Variants in ROBO2 observed in about 807,000 individuals in gnomAD.
The protein encoded by ROBO2 is roundabout guidance receptor 2, also known as roundabout homolog 2.
In ROBO2, 53 loss-of-function variants were observed where a neutral mutation model predicts 160.8. The observed-to-expected ratio is 0.33, with a 90% confidence interval of 0.26 to 0.41. The LOEUF is 0.41. ROBO2 is among the 10% of genes least tolerant of loss of function. The pLI is 1.00. For synonymous variants in ROBO2, 664 were observed against 611.7 expected (o/e 1.09, Z -1.26); for missense variants, 1,577 against 1,722.4 (o/e 0.92, Z 1.49).
At chr3:77,454,121 T>C (rs61061467) in intron 2 of ROBO2, among the ~76,000 whole-genome samples, 951 of 81,530 alleles carry the variant, frequency 0.012, 14 homozygotes, top group African/African-American at 0.042. Context: ...TACTCTGGGC[T>C]TTTTTTTTTT....
chr3:77,479,160 G>A (rs2084380266), intron 3 of ROBO2, among the ~76,000 whole-genome samples: 1 of 152,178 alleles, frequency 6.6e-6, no homozygotes, highest in South Asian at 2.1e-4. Flanking sequence ...GCCTCTGGGA[G>A]AGGTGGTGAC....
chr3:76,684,439 G>C lies in ROBO2; in HGVS notation c.110-413575G>C, dbSNP rs1374846. The stretch of plus-strand genomic sequence containing the variant: ...ATTCTACTTCAATCCCACAGGGAAA[G>C]AGTAGGGGATATTAAAAGGAGAAAA... On this transcript the variant is annotated intron_variant, in intron 2 of 26. Coordinates refer to the ROBO2 transcript ENST00000487694. Among the ~76,000 whole-genome samples the C allele has an allele frequency of 6.2e-3, 946 of 152,296 alleles. 9 individuals carry two copies. Among genetic ancestry groups the C allele is most frequent in the African/African-American group, 0.017 (722 of 41,570 alleles).
At chr3:76,718,955 A>G (rs1216720546) in intron 2 of ROBO2, among the ~76,000 whole-genome samples, 1 of 152,206 alleles carries the variant, frequency 6.6e-6, no homozygotes, top group East Asian at 1.9e-4. Flanking sequence ...CACATTCAAC[A>G]AAGCACGGAC....
intron 2 of ROBO2, among the ~76,000 whole-genome samples, chr3:76,656,182 G>A (rs751610814): frequency 1.6e-4 from 25 of 152,106 alleles, no homozygotes; most frequent in Non-Finnish European, 2.6e-4. Flanking sequence ...AAAGCTTGTT[G>A]CTTTGTGACC....
At chr3:77,167,408 T>G (rs1344902119) in intron 2 of ROBO2, among the ~76,000 whole-genome samples, 1 of 152,188 alleles carries the variant, frequency 6.6e-6, no homozygotes, top group African/African-American at 2.4e-5. Context: ...TCCAAGTTGT[T>G]AAAACATCTT....
intron 2 of ROBO2, among the ~76,000 whole-genome samples, chr3:76,836,241 A>AG (rs1311993736): frequency 6.6e-6 from 1 of 151,904 alleles, no homozygotes; most frequent in Non-Finnish European, 1.5e-5. Flanking sequence ...TCCTTAATGT[A>AG]GGACGTTCCT....
At chr3:76,270,560 A>G (rs993888020) in intron 2 of ROBO2, among the ~76,000 whole-genome samples, 68 of 152,182 alleles carry the variant, frequency 4.5e-4, no homozygotes, top group African/African-American at 1.6e-3. Flanking sequence ...TTTAAGAATT[A>G]CTACTCATTG....
chr3:76,110,786 A>C (rs1198758825), intron 2 of ROBO2, among the ~76,000 whole-genome samples: 1 of 152,170 alleles, frequency 6.6e-6, no homozygotes, highest in Non-Finnish European at 1.5e-5. Context: ...ACTTTAATGA[A>C]ATAAAAATTC....
intron 2 of ROBO2, among the ~76,000 whole-genome samples, chr3:76,597,430 C>CA (rs1316505166): frequency 6.6e-6 from 1 of 151,606 alleles, no homozygotes; most frequent in East Asian, 1.9e-4. Flanking sequence ...AACTAAAAAA[C>CA]AAAAAATGGG....
chr3:77,051,434 A>G (rs929345327), intron 1 of ROBO2, among the ~76,000 whole-genome samples: 5 of 152,164 alleles, frequency 3.3e-5, no homozygotes, highest in African/African-American at 9.7e-5. Flanking sequence ...TTGTATTTTA[A>G]GAACCCTTTC....
intron 2 of ROBO2, among the ~76,000 whole-genome samples, chr3:77,147,918 T>A (rs530188326): frequency 6.6e-6 from 1 of 152,214 alleles, no homozygotes; most frequent in Non-Finnish European, 1.5e-5. Flanking sequence ...TCTGTTGAAT[T>A]TGGGGGATAC....
intron 2 of ROBO2, among the ~76,000 whole-genome samples, chr3:75,954,754 T>C (rs1220531241): frequency 6.6e-6 from 1 of 151,914 alleles, no homozygotes; most frequent in African/African-American, 2.4e-5. Flanking sequence ...TTACTTAATA[T>C]GTTTTACCCA....
At chr3:77,611,158 C>T (rs890123574) in intron 21 of ROBO2, among the ~76,000 whole-genome samples, 8 of 151,992 alleles carry the variant, frequency 5.3e-5, no homozygotes, top group Admixed American at 3.3e-4. Context: ...ATTAGCTGGG[C>T]GAGGTGGCGG....
At chr3:77,408,428 T>C (rs2153518779) in intron 2 of ROBO2, among the ~76,000 whole-genome samples, 2 of 152,336 alleles carry the variant, frequency 1.3e-5, no homozygotes, top group South Asian at 2.1e-4. Flanking sequence ...TAATAGAATC[T>C]GTACTCTTGC....
chr3:76,376,959 G>A (rs1025829157), intron 2 of ROBO2, among the ~76,000 whole-genome samples: 2 of 152,054 alleles, frequency 1.3e-5, no homozygotes, highest in East Asian at 1.9e-4. Flanking sequence ...TGTTGCTAAA[G>A]GTCAAAACTT....
intron 2 of ROBO2, among the ~76,000 whole-genome samples, chr3:77,131,329 C>T (rs1053471536): frequency 6.6e-6 from 1 of 152,156 alleles, no homozygotes; most frequent in Non-Finnish European, 1.5e-5. Flanking sequence ...TTTTAGCCTT[C>T]AGTAGCTTGC....
At chr3:77,493,321 C>G in exon 5 of ROBO2, 1 of 1,613,768 alleles carries the variant, frequency 6.2e-7, no homozygotes, top group Non-Finnish European at 8.5e-7. Flanking sequence ...TTGTCAAGTC[C>G]AAGGAGATCC....
At chr3:76,522,274 TG>T (rs1302951167) in intron 2 of ROBO2, among the ~76,000 whole-genome samples, 2 of 152,146 alleles carry the variant, frequency 1.3e-5, no homozygotes, top group Non-Finnish European at 2.9e-5. Context: ...TACAACTCAT[TG>T]TGTGTATTCA....
At chr3:77,600,611 A>C in intron 19 of ROBO2, among the ~76,000 whole-genome samples, 1 of 152,220 alleles carries the variant, frequency 6.6e-6, no homozygotes, top group East Asian at 1.9e-4. Context: ...TTGGAGCTCA[A>C]GTTGGGGAAT....
Sources: gnomAD v4.1 joint callset for allele counts (sites outside exome capture counted in the v4.1 genomes callset) on GRCh38, gnomAD v4.1.1 for gene constraint, MANE v1.5 for transcripts, NCBI Gene and HGNC (gene_info 2026-07-23, HGNC 2026-07-21) for gene names.